The following LIN52 variants were observed in gnomAD, a reference collection of about 807,000 sequenced individuals.
LIN52 encodes lin-52 DREAM MuvB core complex component.
In LIN52, 4 loss-of-function variants were observed where a neutral mutation model predicts 18.5. The observed-to-expected ratio is 0.22, with a 90% CI of 0.11 to 0.49. The LOEUF is 0.49. Among genes scored for constraint, LIN52 ranks in the 20% least tolerant of loss-of-function variants. LIN52 has a pLI of 0.97. For synonymous variants in LIN52, 34 were observed against 45.5 expected (o/e 0.75, Z 1.02); for missense variants, 102 against 139.5 (o/e 0.73, Z 1.35).
intron 5 of LIN52, among the ~76,000 whole-genome samples, chr14:74,128,886 G>A (rs1034006656): frequency 3.3e-5 from 5 of 152,140 alleles, no homozygotes; most frequent in Non-Finnish European, 7.4e-5. Context: ...AGGTTGCAAT[G>A]AGCCAAGATC....
chr14:74,093,107 A>G (rs536934939), intron 2 of LIN52, among the ~76,000 whole-genome samples: 1 of 151,422 alleles, frequency 6.6e-6, no homozygotes, highest in South Asian at 2.1e-4. Flanking sequence ...GCCCGCCACA[A>G]TGCTCAGCTA....
intron 5 of LIN52, among the ~76,000 whole-genome samples, chr14:74,118,047 C>T (rs953619447): frequency 3.9e-5 from 6 of 152,254 alleles, no homozygotes; most frequent in Admixed American, 2.0e-4. Context: ...ACGGTAAAGA[C>T]GTCCTTTCAA....
chr14:74,141,529 T>A (rs1466922972), intron 5 of LIN52, among the ~76,000 whole-genome samples: 3 of 152,266 alleles, frequency 2.0e-5, no homozygotes, highest in African/African-American at 7.2e-5. Context: ...CTGACTTGTG[T>A]TCCATAGTTC....
chr14:74,139,572 T>C (rs1316364798), intron 5 of LIN52, among the ~76,000 whole-genome samples: 4 of 152,084 alleles, frequency 2.6e-5, no homozygotes, highest in African/African-American at 7.2e-5. Context: ...TTTCTCCAAG[T>C]AAATAAATAT....
At chr14:74,133,125 G>C (rs1324256090) in intron 5 of LIN52, among the ~76,000 whole-genome samples, 4 of 152,112 alleles carry the variant, frequency 2.6e-5, no homozygotes, top group Non-Finnish European at 5.9e-5. Context: ...GTATTGACTT[G>C]TGTATAACTT....
In LIN52 at chr14:74,199,112, C is replaced by G; in HGVS notation, c.*135C>G. ...CTCCAGGACTGCCCTCTCCCCTGCT[C>G]CTGGCACTCTACACGTCTGAGGACA... On this transcript the variant is annotated 3_prime_UTR_variant, in exon 6 of 6. Transcript: ENST00000555028. The G allele has an allele frequency of 1.6e-6, 1 of 639,408 alleles. No homozygotes were observed. The allele number at this position is 639,408 out of a possible 1,614,324, so 39.6% of individuals were successfully genotyped here. A position where few individuals can be genotyped will look rare whatever the true frequency, so the allele number is the denominator to read the frequency against.
At chr14:74,130,277 G>GTTTTTTTTTTTTGTTTTTTTTTTT (rs371965343) in intron 5 of LIN52, among the ~76,000 whole-genome samples, 18 of 46,408 alleles carry the variant, frequency 3.9e-4, no homozygotes, top group African/African-American at 1.4e-3. Flanking sequence ...GGCATTTTTT[G>GTTTTTTTTTTTTGTTTTTTTTTTT]GTTTTTTTTT....
At chr14:74,122,074 A>T (rs774876488) in intron 5 of LIN52, among the ~76,000 whole-genome samples, 2 of 152,240 alleles carry the variant, frequency 1.3e-5, no homozygotes, top group Non-Finnish European at 2.9e-5. Context: ...TATTTCTGAG[A>T]TGCTACAGCT....
chr14:74,170,413 G>A (rs2061265305), intron 5 of LIN52, among the ~76,000 whole-genome samples: 1 of 151,816 alleles, frequency 6.6e-6, no homozygotes, highest in Admixed American at 6.6e-5. Flanking sequence ...TTATTAATGG[G>A]CATTTGTGTG....
intron 5 of LIN52, among the ~76,000 whole-genome samples, chr14:74,172,378 G>A (rs967716241): frequency 2.0e-5 from 3 of 152,084 alleles, no homozygotes; most frequent in African/African-American, 7.2e-5. Context: ...CTCTCTCTCA[G>A]TTCCTTCATT....
At chr14:74,192,284 GTTTTTGT>G (rs911435662) in intron 5 of LIN52, among the ~76,000 whole-genome samples, 2 of 151,776 alleles carry the variant, frequency 1.3e-5, no homozygotes, top group Admixed American at 1.3e-4. Flanking sequence ...TTTTGTTTTT[GTTTTTGT>G]TTTTTGTTTT....
chr14:74,183,862 A>G (rs536788130), intron 5 of LIN52, among the ~76,000 whole-genome samples: 1 of 152,338 alleles, frequency 6.6e-6, no homozygotes, highest in Admixed American at 6.5e-5. Context: ...AACATATCAA[A>G]CAGAATAAAA....
chr14:74,195,849 TGAG>T (rs2078909355), intron 5 of LIN52, among the ~76,000 whole-genome samples: 2 of 151,998 alleles, frequency 1.3e-5, no homozygotes, highest in African/African-American at 4.8e-5. Context: ...GATAAAGAAA[TGAG>T]GAATAAAATA....
chr14:74,101,460 C>CTTT (rs200423163), intron 5 of LIN52, among the ~76,000 whole-genome samples: 2 of 138,840 alleles, frequency 1.4e-5, no homozygotes, highest in Non-Finnish European at 1.6e-5. Flanking sequence ...AATGATTTTT[C>CTTT]TTTTTTTTTT....
chr14:74,195,152 AAAAG>A (rs1261574277), intron 5 of LIN52, among the ~76,000 whole-genome samples: 4 of 152,236 alleles, frequency 2.6e-5, no homozygotes, highest in African/African-American at 9.6e-5. Flanking sequence ...GTTTCAAAAA[AAAAG>A]AAAATAGTTG....
intron 5 of LIN52, among the ~76,000 whole-genome samples, chr14:74,157,809 C>G (rs1301404081): frequency 6.6e-6 from 1 of 151,960 alleles, no homozygotes; most frequent in Non-Finnish European, 1.5e-5. Context: ...GACACTGATC[C>G]AGGCTTTCCG....
At chr14:74,190,605 T>C (rs1157789944) in intron 5 of LIN52, among the ~76,000 whole-genome samples, 2 of 152,022 alleles carry the variant, frequency 1.3e-5, no homozygotes, top group African/African-American at 2.4e-5. Flanking sequence ...CTGCCCAGGC[T>C]GGTCTCAAAC....
At chr14:74,196,757 C>G (rs544725411) in intron 5 of LIN52, among the ~76,000 whole-genome samples, 184 of 152,258 alleles carry the variant, frequency 1.2e-3, no homozygotes, top group Middle Eastern at 3.4e-3. Flanking sequence ...ACTTACCCCC[C>G]TCTGGAAAGT....
intron 5 of LIN52, among the ~76,000 whole-genome samples, chr14:74,130,201 C>A (rs1314647726): frequency 1.3e-5 from 2 of 149,724 alleles, no homozygotes; most frequent in Admixed American, 6.7e-5. Flanking sequence ...AACCATATCA[C>A]CCTGTCTCAA....
Sources: allele counts gnomAD v4.1 joint callset (sites outside exome capture counted in the v4.1 genomes callset), GRCh38; gene constraint gnomAD v4.1.1; transcripts MANE v1.5; gene names NCBI Gene and HGNC (gene_info 2026-07-23, HGNC 2026-07-21).